The following NEK7 variants were observed in gnomAD, a reference collection of about 807,000 sequenced individuals.
NEK7 encodes the protein serine/threonine-protein kinase Nek7.
NEK7 carries 18 observed loss-of-function variants against 44.6 expected under a neutral mutation model. The observed-to-expected ratio is 0.40, with a 90% confidence interval of 0.28 to 0.60. The LOEUF is 0.60. Among genes scored for constraint, NEK7 ranks in the 20% least tolerant of loss-of-function variants. The pLI is 0.38. For synonymous variants in NEK7, 130 were observed against 121.1 expected (o/e 1.07, Z -0.48); for missense variants, 256 against 366.5 (o/e 0.70, Z 2.46).
intron 1 of NEK7, among the ~76,000 whole-genome samples, chr1:198,165,541 A>G (rs1241464763): frequency 6.6e-6 from 1 of 152,190 alleles, no homozygotes; most frequent in Non-Finnish European, 1.5e-5. Flanking sequence ...ATATTTTGAA[A>G]GAAATCTTTT....
chr1:198,236,841 T>C (rs185705197), intron 2 of NEK7, among the ~76,000 whole-genome samples: 1 of 152,324 alleles, frequency 6.6e-6, no homozygotes, highest in African/African-American at 2.4e-5. Flanking sequence ...TTAAACAGTC[T>C]AAGTTACTCT....
intron 3 of NEK7, chr1:198,256,373 G>C (rs1217697045): frequency 6.2e-7 from 1 of 1,611,734 alleles, no homozygotes; most frequent in African/African-American, 1.3e-5. Flanking sequence ...TGCGCTAAAT[G>C]CATGTTACTT....
intron 9 of NEK7, among the ~76,000 whole-genome samples, chr1:198,312,804 T>C (rs1243719172): frequency 2.0e-5 from 3 of 151,936 alleles, no homozygotes; most frequent in Admixed American, 6.6e-5. Flanking sequence ...GTCTGAGAGA[T>C]AGTTTGTTAT....
intron 5 of NEK7, among the ~76,000 whole-genome samples, chr1:198,270,950 T>A (rs1478766531): frequency 1.3e-5 from 2 of 152,036 alleles, no homozygotes; most frequent in African/African-American, 4.8e-5. Context: ...CCATGTTCAC[T>A]GGTTTTTGGG....
At chr1:198,266,925 A>G (rs1177251001) in intron 5 of NEK7, among the ~76,000 whole-genome samples, 1 of 152,068 alleles carries the variant, frequency 6.6e-6, no homozygotes, top group Non-Finnish European at 1.5e-5. Flanking sequence ...AGTTGACTTT[A>G]TTCCTCCAGT....
chr1:198,199,330 C>T lies in NEK7; in HGVS notation c.-28-33223C>T, dbSNP rs183747798. Among the ~76,000 whole-genome samples the T allele has an allele frequency of 3.4e-3, 518 of 152,252 alleles. 1 individual carries two copies. Among genetic ancestry groups the T allele is most frequent in the Non-Finnish European group, 5.7e-3 (385 of 68,010 alleles). On this transcript the variant is annotated intron_variant, in intron 1 of 9. Coordinates refer to ENST00000367385, the MANE Select transcript of NEK7 (RefSeq NM_133494.3). ...CTTGACCAGTCATTGGATGCAGCTG[C>T]TTAGAGAGAGACACAGGTGTGAGCC... is the stretch of plus-strand genomic sequence containing the variant.
At chr1:198,302,917 C>T (rs1654931276) in intron 9 of NEK7, among the ~76,000 whole-genome samples, 1 of 152,266 alleles carries the variant, frequency 6.6e-6, no homozygotes, top group African/African-American at 2.4e-5. Flanking sequence ...AGTAAACTCT[C>T]AGGTGTTTTA....
intron 1 of NEK7, among the ~76,000 whole-genome samples, chr1:198,218,918 G>C (rs1666004558): frequency 6.6e-6 from 1 of 151,942 alleles, no homozygotes; most frequent in South Asian, 2.1e-4. Flanking sequence ...ATAGATTCTG[G>C]CATGGATATG....
intron 7 of NEK7, among the ~76,000 whole-genome samples, chr1:198,287,070 T>C (rs2102996698): frequency 6.6e-6 from 1 of 152,318 alleles, no homozygotes; most frequent in South Asian, 2.1e-4. Flanking sequence ...GAGGCAAAAT[T>C]TCTGCCTGTA....
At chr1:198,224,983 A>G (rs1363213181) in intron 1 of NEK7, among the ~76,000 whole-genome samples, 1 of 152,126 alleles carries the variant, frequency 6.6e-6, no homozygotes, top group Non-Finnish European at 1.5e-5. Flanking sequence ...TATAGTTCAG[A>G]GCTCAGGATA....
intron 1 of NEK7, among the ~76,000 whole-genome samples, chr1:198,219,854 T>C (rs1666034769): frequency 6.7e-6 from 1 of 149,450 alleles, no homozygotes; most frequent in South Asian, 2.1e-4. Flanking sequence ...TTTGATTATT[T>C]GGCTAATGTG....
At chr1:198,302,719 CT>C (rs1211276866) in intron 9 of NEK7, among the ~76,000 whole-genome samples, 11 of 151,964 alleles carry the variant, frequency 7.2e-5, no homozygotes, top group African/African-American at 2.4e-4. Context: ...TTTTTTTCAA[CT>C]TTTGAAATCA....
At chr1:198,215,861 A>G (rs1665904300) in intron 1 of NEK7, among the ~76,000 whole-genome samples, 1 of 152,144 alleles carries the variant, frequency 6.6e-6, no homozygotes, top group Non-Finnish European at 1.5e-5. Context: ...AAGAAGATAT[A>G]ACAATCCTAA....
At chr1:198,306,357 G>A (rs1227933887) in intron 9 of NEK7, among the ~76,000 whole-genome samples, 2 of 152,000 alleles carry the variant, frequency 1.3e-5, no homozygotes. Flanking sequence ...ATAATTCCGT[G>A]GAATATCTAA....
chr1:198,312,775 CT>C (rs1197717710), intron 9 of NEK7, among the ~76,000 whole-genome samples: 2 of 151,302 alleles, frequency 1.3e-5, no homozygotes, highest in African/African-American at 4.9e-5. Flanking sequence ...ATCCTGAGTT[CT>C]AGTTTGATTG....
chr1:198,312,847 C>G (rs1267003624), intron 9 of NEK7, among the ~76,000 whole-genome samples: 1 of 151,966 alleles, frequency 6.6e-6, no homozygotes, highest in African/African-American at 2.4e-5. Flanking sequence ...CTGAGGAGAG[C>G]TTTACTTCCA....
At chr1:198,232,484 C>T (rs558831843) in intron 1 of NEK7, 69 bp from the exon 2 acceptor site, 28 of 719,340 alleles carry the variant, frequency 3.9e-5, no homozygotes, top group Non-Finnish European at 5.8e-5. Context: ...ATGCATGTGT[C>T]GGTGTATGAT....
At chr1:198,291,995 T>C (rs906299273) in intron 7 of NEK7, among the ~76,000 whole-genome samples, 1 of 152,068 alleles carries the variant, frequency 6.6e-6, no homozygotes, top group Non-Finnish European at 1.5e-5. Flanking sequence ...AAAATGCCCT[T>C]TTCTTTTTGA....
At chr1:198,295,026 G>A (rs1342504579) in intron 8 of NEK7, among the ~76,000 whole-genome samples, 2 of 151,288 alleles carry the variant, frequency 1.3e-5, no homozygotes, top group Non-Finnish European at 2.9e-5. Context: ...GACGTAGGAA[G>A]CCTTTTTTGA....
Sources: allele counts gnomAD v4.1 joint callset (sites outside exome capture counted in the v4.1 genomes callset), GRCh38; gene constraint gnomAD v4.1.1; transcripts MANE v1.5; gene names NCBI Gene and HGNC (gene_info 2026-07-23, HGNC 2026-07-21).